Variants in PRIM2 observed in about 807,000 individuals in gnomAD.
PRIM2 encodes the protein DNA primase subunit 2, also known as DNA primase large subunit.
A neutral mutation model predicts 67.3 loss-of-function variants in PRIM2; 39 were observed. That is an observed-to-expected ratio of 0.58 (90% CI 0.45 to 0.76). PRIM2 has a LOEUF of 0.76. Among genes scored for constraint, PRIM2 ranks in the 30% least tolerant of loss-of-function variants. The pLI is 0.00. For synonymous variants in PRIM2, 143 were observed against 198.7 expected (o/e 0.72, Z 2.36); for missense variants, 398 against 598.7 (o/e 0.66, Z 3.50).
In PRIM2 at chr6:57,577,119, CT is replaced by C. The variant is rs1184776770; in HGVS notation, c.1021-23968del. On this transcript the variant is annotated intron_variant, in intron 10 of 13. Transcript: ENST00000615550. Reference sequence around the variant, plus strand: ...TAGATTCTGAATATAGCCTCTGCTGCTTTTTTAGCATTGCTGCCACTTTAAA... The same window carrying C: ...TAGATTCTGAATATAGCCTCTGCTGCTTTTTAGCATTGCTGCCACTTTAAA... 2.6e-5 allele frequency among the ~76,000 whole-genome samples: 4 copies of C among 152,252 alleles called. No individual in the cohort carries two copies. In the East Asian group the frequency reaches 7.7e-4, roughly 29 times the overall value.
At chr6:57,535,195 T>G (rs1320796954) in intron 9 of PRIM2, among the ~76,000 whole-genome samples, 1 of 152,110 alleles carries the variant, frequency 6.6e-6, no homozygotes, top group Non-Finnish European at 1.5e-5. Flanking sequence ...GACTTGGCTT[T>G]GGCTACATGG....
rs868791934 is a variant in PRIM2 at position 57,403,247 on chromosome 6, G to T, written c.693+21079G>T. Among the ~76,000 whole-genome samples the T allele has an allele frequency of 2.7e-5, 4 of 145,498 alleles. No homozygotes were observed. The South Asian group carries it at 8.7e-4, about 32-fold the overall frequency. The stretch of plus-strand genomic sequence containing the variant: ...TCTTTGAAGGGATAGTTCAGGTGAA[G>T]AATTTTTTTTTTTTTTTTTTTTTTT... On this transcript the variant is annotated intron_variant, in intron 7 of 13. Transcript: ENST00000615550.
chr6:57,320,366 C>T (rs1023688929), intron 2 of PRIM2, 91 bp from the exon 3 acceptor site: 1 of 812,324 alleles, frequency 1.2e-6, no homozygotes, highest in African/African-American at 1.7e-5. Context: ...GTTCTGTAAA[C>T]AAGTAATTAT....
intron 7 of PRIM2, among the ~76,000 whole-genome samples, chr6:57,426,263 G>A (rs1279233184): frequency 1.3e-5 from 2 of 152,084 alleles, no homozygotes; most frequent in African/African-American, 4.8e-5. Flanking sequence ...TCCGTCCCAA[G>A]CAACCACTGA....
At chr6:57,504,578 C>T (rs1554347137) in intron 7 of PRIM2, among the ~76,000 whole-genome samples, 3 of 151,748 alleles carry the variant, frequency 2.0e-5, no homozygotes, top group Non-Finnish European at 2.9e-5. Context: ...TATGATGGTT[C>T]CCATGAAATA....
At chr6:57,315,073 A>G (rs921557290), upstream of PRIM2, among the ~76,000 whole-genome samples, 6 of 152,240 alleles carry the variant, frequency 3.9e-5, no homozygotes, top group Admixed American at 2.6e-4. Context: ...TATGTTAAGC[A>G]TGAACATATA....
chr6:57,548,024 G>A (rs1302665385), intron 10 of PRIM2, among the ~76,000 whole-genome samples: 2 of 152,140 alleles, frequency 1.3e-5, no homozygotes, highest in Non-Finnish European at 1.5e-5. Context: ...CACAATTGGT[G>A]GTTTAACAAA....
At chr6:57,565,239 C>T (rs1441078219) in intron 10 of PRIM2, among the ~76,000 whole-genome samples, 3 of 150,238 alleles carry the variant, frequency 2.0e-5, no homozygotes. Flanking sequence ...TGTCATCATA[C>T]TAAACAGTTA....
intron 7 of PRIM2, among the ~76,000 whole-genome samples, chr6:57,392,415 A>G (rs1770381744): frequency 6.6e-6 from 1 of 152,040 alleles, no homozygotes; most frequent in Admixed American, 6.6e-5. Context: ...ATTCTCCCTT[A>G]TTCTTAGCAT....
At position 57,446,418 on chromosome 6, in the gene PRIM2, C is replaced by CTT. The variant is rs397958660; in HGVS notation, c.694-60955_694-60954dup. ...GGCATAGGCCTGGCACACGCCACTTCTTTTTTTTTTTTTTTGAGACAGTCT... is the reference window on the plus strand; with the variant it reads ...GGCATAGGCCTGGCACACGCCACTTCTTTTTTTTTTTTTTTTTGAGACAGTCT... On this transcript the variant is annotated intron_variant, in intron 7 of 13. Transcript: ENST00000615550. Among the ~76,000 whole-genome samples, 18 of 83,820 alleles carry CTT rather than the reference C, an allele frequency of 2.1e-4. 2 individuals carry two copies. The highest frequency in any genetic ancestry group is 1.7e-3 in the East Asian group (5 of 2,958). The allele number at this position is 83,820 out of a possible 152,430, so 55.0% of individuals were successfully genotyped here.
intron 7 of PRIM2, among the ~76,000 whole-genome samples, chr6:57,419,679 TGGA>T (rs1280989662): frequency 2.6e-5 from 4 of 152,130 alleles, no homozygotes; most frequent in African/African-American, 9.7e-5. Flanking sequence ...ATTATAGGAT[TGGA>T]GATGAGGGCA....
At chr6:57,380,264 G>T (rs577636920) in intron 6 of PRIM2, among the ~76,000 whole-genome samples, 22 of 152,202 alleles carry the variant, frequency 1.4e-4, no homozygotes, top group Non-Finnish European at 2.2e-4. Flanking sequence ...CATTGTTTGG[G>T]TTCTTACACC....
the PRIM2 span, among the ~76,000 whole-genome samples, chr6:57,287,118 G>A: frequency 6.6e-6 from 1 of 152,212 alleles, no homozygotes; most frequent in Non-Finnish European, 1.5e-5. Context: ...ACAGATGCTG[G>A]TGAGGATGTG....
chr6:57,412,002 AT>A (rs1167975002), intron 7 of PRIM2, among the ~76,000 whole-genome samples: 1 of 151,194 alleles, frequency 6.6e-6, no homozygotes, highest in African/African-American at 2.4e-5. Context: ...CTGGTTTAAT[AT>A]TTTATAATTA....
At chr6:57,450,685 T>A (rs1433786672) in intron 7 of PRIM2, among the ~76,000 whole-genome samples, 70 of 152,340 alleles carry the variant, frequency 4.6e-4, no homozygotes, top group Middle Eastern at 3.4e-3. Flanking sequence ...TTGTTTGCGA[T>A]ATGAAGCATG....
chr6:57,304,247 T>G, the PRIM2 span, among the ~76,000 whole-genome samples: 1 of 152,020 alleles, frequency 6.6e-6, no homozygotes, highest in Non-Finnish European at 1.5e-5. Context: ...AAAAAGGAAA[T>G]TATAATAAAA....
intron 10 of PRIM2, among the ~76,000 whole-genome samples, chr6:57,597,603 A>G (rs1419354493): frequency 1.3e-5 from 2 of 152,204 alleles, no homozygotes; most frequent in African/African-American, 4.8e-5. Context: ...CATTAATATT[A>G]CTGTCCCTAT....
At chr6:57,562,804 C>G (rs1482975061) in intron 10 of PRIM2, among the ~76,000 whole-genome samples, 1 of 152,176 alleles carries the variant, frequency 6.6e-6, no homozygotes, top group East Asian at 1.9e-4. Flanking sequence ...CATACCGATG[C>G]TCTCAGCAAA....
chr6:57,276,331 C>T, the PRIM2 span, among the ~76,000 whole-genome samples: 6 of 151,978 alleles, frequency 3.9e-5, no homozygotes, highest in Non-Finnish European at 7.4e-5. Flanking sequence ...CAGAGGGTTG[C>T]AGTGAGCTGA....
Sources: gnomAD v4.1 joint callset for allele counts (sites outside exome capture counted in the v4.1 genomes callset) on GRCh38, gnomAD v4.1.1 for gene constraint, MANE v1.5 for transcripts, NCBI Gene and HGNC (gene_info 2026-07-23, HGNC 2026-07-21) for gene names.